Variants in LRRIQ1 observed in about 807,000 individuals in gnomAD.
LRRIQ1 encodes leucine rich repeats and IQ motif containing 1, also known as leucine-rich repeat- and IQ domain-containing protein 1.
A neutral mutation model predicts 211.9 loss-of-function variants in LRRIQ1; 210 were observed. The observed-to-expected ratio is 0.99, with a 90% CI of 0.89 to 1.11. The LOEUF is 1.11. Ranked by LOEUF, LRRIQ1 falls within the 50% of genes most tolerant of loss-of-function variation. The pLI is 0.00. For missense variants in LRRIQ1, 2,136 were observed against 1,939.5 expected, an observed-to-expected ratio of 1.10 and a Z score of -1.90; for synonymous variants, 699 against 650.1, an observed-to-expected ratio of 1.08 and a Z score of -1.14.
intron 11 of LRRIQ1, among the ~76,000 whole-genome samples, chr12:85,079,062 A>G (rs768482817): frequency 6.6e-6 from 1 of 152,044 alleles, no homozygotes; most frequent in Non-Finnish European, 1.5e-5. Flanking sequence ...ATCACAAGTC[A>G]TGTAGCCTCT....
rs572243472 is a variant in LRRIQ1, at chr12:85,067,261, A to T, written c.2695+363A>T. On this transcript the variant is annotated intron_variant, in intron 10 of 26. Coordinates refer to ENST00000393217, the MANE Select transcript of LRRIQ1 (RefSeq NM_001079910.2). Reference sequence around the variant, plus strand: ...AATTGTTGTAACTATTTGCTGGTAAACCTTTTTCATCACCACTCTCATTAG... The same window carrying T: ...AATTGTTGTAACTATTTGCTGGTAATCCTTTTTCATCACCACTCTCATTAG... Among the ~76,000 whole-genome samples, 364 of 151,938 alleles carry T rather than the reference A, an allele frequency of 2.4e-3. 2 individuals carry two copies. Among genetic ancestry groups the T allele is most frequent in the African/African-American group, 8.0e-3 (333 of 41,512 alleles).
Position 85,230,535 on chromosome 12 carries a change from A to G in LRRIQ1, c.4955+886A>G, listed in dbSNP as rs1039914211. Among the ~76,000 whole-genome samples, 42 of 152,182 alleles carry G rather than the reference A, an allele frequency of 2.8e-4. 1 individual carries two copies. Among genetic ancestry groups the G allele is most frequent in the African/African-American group, 9.7e-5 (4 of 41,448 alleles). On this transcript the variant is annotated intron_variant, in intron 25 of 26. Transcript: ENST00000393217. ...TTACCTCTTTCCAATCTCTAAGTAC[A>G]GCCATATTCTGAGGTACTAGGGGTT...
intron 13 of LRRIQ1, 26 bp from the exon 14 acceptor site, chr12:85,103,978 G>A (rs1886585964): frequency 1.4e-6 from 2 of 1,451,618 alleles, no homozygotes; most frequent in African/African-American, 2.8e-5. Flanking sequence ...TTAGAATTTT[G>A]ATGAAGTTTT....
chr12:85,158,893 AT>A, intron 23 of LRRIQ1, among the ~76,000 whole-genome samples: 1 of 151,086 alleles, frequency 6.6e-6, no homozygotes, highest in South Asian at 2.1e-4. Flanking sequence ...GTTTTTATTT[AT>A]TTATTCATTT....
chr12:85,041,836 A>G (rs1878928181), intron 3 of LRRIQ1, among the ~76,000 whole-genome samples: 1 of 151,792 alleles, frequency 6.6e-6, no homozygotes, highest in Non-Finnish European at 1.5e-5. Flanking sequence ...AAGAGATGAG[A>G]GTGGTTTGAG....
At chr12:85,200,272 T>A (rs1458671228) in intron 24 of LRRIQ1, among the ~76,000 whole-genome samples, 1 of 152,110 alleles carries the variant, frequency 6.6e-6, no homozygotes, top group Admixed American at 6.6e-5. Context: ...TCAGCTTGGA[T>A]GTTGTTGGTC....
chr12:85,107,447 A>C (rs1023737448), intron 15 of LRRIQ1, among the ~76,000 whole-genome samples: 8 of 152,044 alleles, frequency 5.3e-5, no homozygotes, highest in Non-Finnish European at 1.0e-4. Context: ...TTCTTTCTCT[A>C]AGAATGATTT....
At chr12:85,143,360 C>T (rs1034288957) in intron 19 of LRRIQ1, among the ~76,000 whole-genome samples, 5 of 151,606 alleles carry the variant, frequency 3.3e-5, no homozygotes, top group East Asian at 1.9e-4. Flanking sequence ...ATATTAACCT[C>T]TTATCAGATA....
downstream of LRRIQ1, among the ~76,000 whole-genome samples, chr12:85,247,388 A>C (rs1480603550): frequency 6.6e-6 from 1 of 151,564 alleles, no homozygotes; most frequent in African/African-American, 2.4e-5. Flanking sequence ...TACTTTGTGG[A>C]CTACAGCTGT....
At chr12:85,151,961 C>G (rs1426985159) in intron 19 of LRRIQ1, among the ~76,000 whole-genome samples, 1 of 151,624 alleles carries the variant, frequency 6.6e-6, no homozygotes, top group African/African-American at 2.4e-5. Flanking sequence ...AATGACTTTA[C>G]TCAGTTCCAT....
chr12:85,261,521 A>G (rs1393260037), intron 1 of LRRIQ1, among the ~76,000 whole-genome samples: 1 of 151,674 alleles, frequency 6.6e-6, no homozygotes, highest in Non-Finnish European at 1.5e-5. Context: ...TTAAAATTTT[A>G]GTTGGAAAAG....
intron 13 of LRRIQ1, among the ~76,000 whole-genome samples, chr12:85,102,614 A>G (rs1035303054): frequency 1.3e-5 from 2 of 151,596 alleles, no homozygotes; most frequent in Non-Finnish European, 3.0e-5. Context: ...GAAGGTCAAT[A>G]CAAGGGTTAA....
intron 13 of LRRIQ1, among the ~76,000 whole-genome samples, chr12:85,103,171 T>A (rs1254272592): frequency 6.6e-6 from 1 of 150,450 alleles, no homozygotes; most frequent in African/African-American, 2.4e-5. Context: ...ACGTGGGTAT[T>A]TTTAATATCA....
intron 18 of LRRIQ1, among the ~76,000 whole-genome samples, chr12:85,133,540 G>A (rs1888917579): frequency 6.6e-6 from 1 of 152,112 alleles, no homozygotes; most frequent in South Asian, 2.1e-4. Context: ...AAGCTATGAA[G>A]GAAGCTGCTG....
In LRRIQ1 at chr12:85,038,195, A is replaced by G. The variant is rs943801503; in HGVS notation, c.19A>G (p.Lys7Glu). 1.0e-5 allele frequency: 16 copies of G among 1,568,272 alleles called. No individual in the cohort carries two copies. Among genetic ancestry groups the G allele is most frequent in the Non-Finnish European group, 1.4e-5 (16 of 1,155,134 alleles). Residue 7 changes from lysine (K) to glutamate (E), a missense_variant, in exon 2 of 27, where the codon AAG (lysine) becomes GAG (glutamate). Physicochemically the swap from Lys to Glu is moderately conservative, Grantham distance 56. Transcript: ENST00000393217. MDDDDAKLKAEIEAELD... is the reference protein window; with the variant it reads MDDDDAELKAEIEAELD... ...AAGAATAATGGACGATGATGATGCA[A>G]AGCTCAAAGCAGAAATAGAAGCTGA...
At chr12:85,169,720 A>G (rs114984830) in intron 24 of LRRIQ1, among the ~76,000 whole-genome samples, 333 of 152,168 alleles carry the variant, frequency 2.2e-3, no homozygotes, top group African/African-American at 7.8e-3. Flanking sequence ...CCTCTCTCTC[A>G]TAACACCTGT....
intron 24 of LRRIQ1, among the ~76,000 whole-genome samples, chr12:85,214,405 C>A (rs934884266): frequency 2.0e-5 from 3 of 151,964 alleles, no homozygotes; most frequent in African/African-American, 7.2e-5. Context: ...TTACACTCAA[C>A]AAAGATAAAG....
intron 19 of LRRIQ1, among the ~76,000 whole-genome samples, chr12:85,149,476 T>C (rs1282058474): frequency 2.0e-5 from 3 of 152,072 alleles, no homozygotes; most frequent in East Asian, 3.9e-4. Context: ...TGTGGTGTTA[T>C]TTCTGAGGTC....
chr12:85,125,998 A>C (rs1888348996), intron 17 of LRRIQ1, among the ~76,000 whole-genome samples: 1 of 152,156 alleles, frequency 6.6e-6, no homozygotes, highest in Non-Finnish European at 1.5e-5. Context: ...AGAGTTTCCT[A>C]AGAATTATTT....
Sources: gnomAD v4.1 joint callset for allele counts (sites outside exome capture counted in the v4.1 genomes callset) on GRCh38, gnomAD v4.1.1 for gene constraint, MANE v1.5 for transcripts, NCBI Gene and HGNC (gene_info 2026-07-23, HGNC 2026-07-21) for gene names.